Variants in FRS2 observed in about 807,000 individuals in gnomAD.
FRS2 encodes fibroblast growth factor receptor substrate 2.
FRS2 carries 8 observed loss-of-function variants against 43.9 expected under a neutral mutation model. The observed-to-expected ratio is 0.18, with a 90% CI of 0.11 to 0.33. FRS2 has a LOEUF of 0.33. Ranked by LOEUF, FRS2 falls within the 10% of genes least tolerant of loss-of-function variation. The probability of loss-of-function intolerance (pLI) is 1.00; values close to 1 mark genes in which losing one functional copy is unlikely to be tolerated. For missense variants in FRS2, 534 were observed against 627.6 expected (o/e 0.85, Z 1.59); for synonymous variants, 219 against 220.3 (o/e 0.99, Z 0.05).
At chr12:69,540,335 C>CAAA (rs372869960) in intron 3 of FRS2, among the ~76,000 whole-genome samples, 33 of 142,774 alleles carry the variant, frequency 2.3e-4, no homozygotes, top group Non-Finnish European at 3.5e-4. Context: ...CTTGTAGTGC[C>CAAA]AAAAAAAAAA....
intron 1 of FRS2, among the ~76,000 whole-genome samples, chr12:69,476,054 T>G (rs1485049630): frequency 2.0e-5 from 3 of 152,156 alleles, no homozygotes; most frequent in Admixed American, 6.5e-5. Context: ...TGCCCCTTTT[T>G]AAAGATTATG....
At chr12:69,547,820 T>C (rs1011173336) in intron 3 of FRS2, among the ~76,000 whole-genome samples, 1 of 146,450 alleles carries the variant, frequency 6.8e-6, no homozygotes, top group East Asian at 2.1e-4. Context: ...GAAAAATGTA[T>C]CCATTAATAC....
At chr12:69,494,933 C>T (rs185664159) in intron 1 of FRS2, among the ~76,000 whole-genome samples, 1 of 152,172 alleles carries the variant, frequency 6.6e-6, no homozygotes, top group Admixed American at 6.5e-5. Flanking sequence ...ACCATCACGC[C>T]CAGCTAATTT....
At chr12:69,530,633 C>T (rs1300259219) in intron 1 of FRS2, among the ~76,000 whole-genome samples, 1 of 152,000 alleles carries the variant, frequency 6.6e-6, no homozygotes, top group Non-Finnish European at 1.5e-5. Context: ...GTCCCAGCTA[C>T]TCAGAAGGCT....
intron 4 of FRS2, among the ~76,000 whole-genome samples, chr12:69,562,750 GCATATCA>G (rs1879973834): frequency 6.6e-6 from 1 of 151,948 alleles, no homozygotes; most frequent in Non-Finnish European, 1.5e-5. Context: ...GAGTGCAGTG[GCATATCA>G]TAGCTCACTG....
intron 3 of FRS2, among the ~76,000 whole-genome samples, chr12:69,553,923 TG>T (rs1245281700): frequency 6.6e-6 from 1 of 152,200 alleles, no homozygotes; most frequent in Non-Finnish European, 1.5e-5. Flanking sequence ...TTCATAGTAT[TG>T]GGGGCTTTTC....
intron 1 of FRS2, among the ~76,000 whole-genome samples, chr12:69,498,050 G>A (rs1051076699): frequency 6.8e-6 from 1 of 147,430 alleles, no homozygotes; most frequent in Non-Finnish European, 1.5e-5. Flanking sequence ...AACTTTAACA[G>A]TAGAAACTTG....
At chr12:69,499,655 T>G (rs1873249582) in intron 1 of FRS2, among the ~76,000 whole-genome samples, 1 of 152,130 alleles carries the variant, frequency 6.6e-6, no homozygotes, top group Non-Finnish European at 1.5e-5. Flanking sequence ...TGATTTTATT[T>G]GTGGAATGAA....
chr12:69,574,778 T>C lies in FRS2; in HGVS notation c.1350T>C (p.Pro450=). ...DLEGGSDSDN[P]QTPKTPTTPL... is the part of the protein sequence containing the mutation. The stretch of plus-strand genomic sequence containing the variant: ...AAGGTGGCAGTGACTCTGACAACCC[T>C]CAGACTCCAAAAACGCCTACAACTC... The change falls in exon 9 of 9, where the codon CCT becomes CCC. Residue 450 remains proline (P), a synonymous_variant. Transcript: ENST00000549921. The C allele has an allele frequency of 6.2e-7, 1 of 1,614,086 alleles. No individual in the cohort carries two copies.
chr12:69,519,571 T>C (rs2135602045), intron 1 of FRS2, among the ~76,000 whole-genome samples: 1 of 143,638 alleles, frequency 7.0e-6, no homozygotes, highest in East Asian at 2.0e-4. Flanking sequence ...CTCCACCCTC[T>C]GGTAGGCCAC....
intron 3 of FRS2, 122 bp from the exon 4 acceptor site, chr12:69,562,058 A>G (rs1434266890): frequency 2.6e-5 from 10 of 391,180 alleles, no homozygotes; most frequent in South Asian, 2.9e-4. Flanking sequence ...TTTTTATTCA[A>G]TCTTTTAGAC....
intron 1 of FRS2, among the ~76,000 whole-genome samples, chr12:69,512,198 C>G (rs1027162100): frequency 6.6e-6 from 1 of 152,152 alleles, no homozygotes; most frequent in Non-Finnish European, 1.5e-5. Flanking sequence ...TGATCTTGCA[C>G]CTTATTTTAA....
At chr12:69,571,470 C>T (rs919011072) in intron 7 of FRS2, 36 bp downstream of exon 7, 2 of 1,534,418 alleles carry the variant, frequency 1.3e-6, no homozygotes, top group African/African-American at 2.7e-5. Context: ...TTTTGAATAA[C>T]AGACGTTTAG....
chr12:69,543,355 A>C (rs1362197511), intron 3 of FRS2, among the ~76,000 whole-genome samples: 3 of 152,244 alleles, frequency 2.0e-5, no homozygotes, highest in African/African-American at 7.2e-5. Flanking sequence ...TTTTTAAACA[A>C]TATCTGAGAT....
rs147146116 is a variant in FRS2 at position 69,485,035 on chromosome 12, C to A, written c.-261+14505C>A. Among the ~76,000 whole-genome samples, 876 of 144,704 alleles carry A rather than the reference C, an allele frequency of 6.1e-3. 10 individuals are homozygous for A. The highest frequency in any genetic ancestry group is 0.022 in the African/African-American group (844 of 39,238). 94.9% of individuals were successfully genotyped at this position (144,704 alleles called of 152,430 possible). On this transcript the variant is annotated intron_variant, in intron 1 of 8. Transcript: ENST00000549921. ...CTGAGGTGGAAGGATCACTTGAACCCAGGAGTTCAACACTAGCCTGGGAAA... is the reference window on the plus strand; with the variant it reads ...CTGAGGTGGAAGGATCACTTGAACCAAGGAGTTCAACACTAGCCTGGGAAA...
At chr12:69,543,760 G>A (rs1878123310) in intron 3 of FRS2, among the ~76,000 whole-genome samples, 1 of 152,154 alleles carries the variant, frequency 6.6e-6, no homozygotes, top group South Asian at 2.1e-4. Flanking sequence ...TAGTTGCAAA[G>A]GACCTGAGAT....
At chr12:69,570,663 T>A (rs1880678357) in intron 6 of FRS2, 146 bp downstream of exon 6, 1 of 582,264 alleles carries the variant, frequency 1.7e-6, no homozygotes, top group African/African-American at 1.9e-5. Flanking sequence ...ATACTGTGTA[T>A]TAATTTATCA....
At chr12:69,487,154 C>T (rs1353352232) in intron 1 of FRS2, among the ~76,000 whole-genome samples, 3 of 152,248 alleles carry the variant, frequency 2.0e-5, no homozygotes, top group African/African-American at 7.2e-5. Context: ...CAACATGCCT[C>T]ACCAGAAGAA....
intron 1 of FRS2, among the ~76,000 whole-genome samples, chr12:69,484,273 G>A (rs1026060702): frequency 2.6e-5 from 4 of 151,856 alleles, no homozygotes; most frequent in Admixed American, 2.0e-4. Context: ...TTTAGTAGAG[G>A]TGGGGTTTCA....
Sources: gnomAD v4.1 joint callset for allele counts (sites outside exome capture counted in the v4.1 genomes callset) on GRCh38, gnomAD v4.1.1 for gene constraint, MANE v1.5 for transcripts, NCBI Gene and HGNC (gene_info 2026-07-23, HGNC 2026-07-21) for gene names.